Variants in AP2S1 observed in about 807,000 individuals in gnomAD.
AP2S1 encodes AP-2 complex subunit sigma.
A neutral mutation model predicts 21.0 loss-of-function variants in AP2S1; 6 were observed. The ratio of observed to expected loss-of-function variants is 0.29; its 90% CI spans 0.16 to 0.56. The LOEUF (loss-of-function observed/expected upper bound fraction) is 0.56. Ranked by LOEUF, AP2S1 falls within the 20% of genes least tolerant of loss-of-function variation. AP2S1 has a pLI of 0.92. For synonymous variants in AP2S1, 63 were observed against 74.6 expected, an observed-to-expected ratio of 0.84 and a Z score of 0.80; for missense variants, 60 against 186.2, an observed-to-expected ratio of 0.32 and a Z score of 3.95.
rs866196824 is a variant in AP2S1, at chr19:46,846,854, C to T, written c.4-712G>A. ...AAAATGTTTGTATTTTTGGTAGAGA[C>T]GGGGTTTCACCATGTTGGCCAGGCT... On this transcript the variant is annotated intron_variant, in intron 1 of 4. Transcript: ENST00000263270. 6.2e-4 allele frequency among the ~76,000 whole-genome samples: 95 copies of T among 152,118 alleles called. 1 individual carries two copies. In the Middle Eastern group the frequency reaches 0.02, roughly 33 times the overall value.
At chr19:46,840,151 C>T (rs1160519753) in intron 2 of AP2S1, among the ~76,000 whole-genome samples, 1 of 151,870 alleles carries the variant, frequency 6.6e-6, no homozygotes, top group Non-Finnish European at 1.5e-5. Flanking sequence ...CCTTGTCCTG[C>T]CCTCACTGAA....
intron 2 of AP2S1, among the ~76,000 whole-genome samples, chr19:46,841,909 C>T (rs987702994): frequency 2.0e-5 from 3 of 152,176 alleles, no homozygotes; most frequent in South Asian, 2.1e-4. Flanking sequence ...GATTGGACGA[C>T]GGCCAGGTGC....
chr19:46,844,807 A>T lies in AP2S1; in HGVS notation c.153+1186T>A, dbSNP rs182741275. 6.1e-3 allele frequency among the ~76,000 whole-genome samples: 916 copies of T among 150,912 alleles called. 5 individuals carry two copies. Among genetic ancestry groups the T allele is most frequent in the South Asian group, 0.021 (98 of 4,764 alleles). On this transcript the variant is annotated intron_variant, in intron 2 of 4. Coordinates refer to ENST00000263270, the MANE Select transcript of AP2S1 (RefSeq NM_004069.6). ...AGAATGAGCTCCTGTTTCAAAAAAAATTTTTTAAAGAGGGACAGGCATGGT... is the reference window on the plus strand; with the variant it reads ...AGAATGAGCTCCTGTTTCAAAAAAATTTTTTTAAAGAGGGACAGGCATGGT...
intron 2 of AP2S1, among the ~76,000 whole-genome samples, chr19:46,843,704 CAG>C (rs1431742682): frequency 1.3e-5 from 2 of 151,624 alleles, no homozygotes; most frequent in East Asian, 3.9e-4. Flanking sequence ...GCCTAGGTAA[CAG>C]AGTGAGAACC....
intron 1 of AP2S1, among the ~76,000 whole-genome samples, chr19:46,847,903 G>A (rs549369550): frequency 5.9e-5 from 9 of 152,260 alleles, no homozygotes; most frequent in Admixed American, 1.3e-4. Context: ...ATGAGTTTTC[G>A]TGTGGATGGA....
chr19:46,840,981 T>G (rs1210534717), intron 2 of AP2S1, among the ~76,000 whole-genome samples: 1 of 151,932 alleles, frequency 6.6e-6, no homozygotes, highest in Non-Finnish European at 1.5e-5. Context: ...TTTGAGACAG[T>G]CTCACTCTGT....
At chr19:46,841,692 TG>T (rs1286176416) in intron 2 of AP2S1, among the ~76,000 whole-genome samples, 1 of 152,238 alleles carries the variant, frequency 6.6e-6, no homozygotes, top group Non-Finnish European at 1.5e-5. Context: ...GCACAGGTAA[TG>T]GCCCCCAAAG....
chr19:46,849,262 T>C (rs943536167), intron 1 of AP2S1, among the ~76,000 whole-genome samples: 7 of 151,954 alleles, frequency 4.6e-5, no homozygotes, highest in African/African-American at 1.4e-4. Context: ...TGCCTCAGCC[T>C]CCCAAAGTGC....
intron 2 of AP2S1, among the ~76,000 whole-genome samples, chr19:46,841,421 G>C (rs371342257): frequency 3.9e-5 from 6 of 152,020 alleles, no homozygotes; most frequent in African/African-American, 1.2e-4. Context: ...TTTAAATTTC[G>C]AGGCTTCTCA....
chr19:46,841,294 G>A (rs767502058), intron 2 of AP2S1, among the ~76,000 whole-genome samples: 10 of 152,236 alleles, frequency 6.6e-5, no homozygotes, highest in Admixed American at 2.6e-4. Flanking sequence ...TGTAATCCAC[G>A]GGTAAATGAG....
chr19:46,841,066 G>C (rs1280612708), intron 2 of AP2S1, among the ~76,000 whole-genome samples: 1 of 151,996 alleles, frequency 6.6e-6, no homozygotes, highest in Admixed American at 6.6e-5. Context: ...CAATTCTCCT[G>C]CCTCAGCCTC....
chr19:46,850,629 T>A, intron 1 of AP2S1, 135 bp downstream of exon 1: 1 of 869,330 alleles, frequency 1.2e-6, no homozygotes, highest in Non-Finnish European at 1.8e-6. Context: ...CCTGGATCGG[T>A]CCCAATCCCC....
chr19:46,839,873 C>T (rs1463865627), intron 2 of AP2S1, among the ~76,000 whole-genome samples: 3 of 152,042 alleles, frequency 2.0e-5, no homozygotes, highest in African/African-American at 4.8e-5. Flanking sequence ...GGTATCGGAG[C>T]TGAGAGCTGG....
Position 46,838,680 on chromosome 19 carries a change from A to C in AP2S1, c.327+60T>G. The stretch of plus-strand genomic sequence containing the variant: ...AGAGGCTCCGGGTGGCTAGTGCACC[A>C]CGGGTCCCCCCCGTCCCCCTCCTCT... On this transcript the variant is annotated intron_variant, in intron 4 of 4. Transcript: ENST00000263270. This position sits in a 1 kb window ranked among gnomAD's most constrained non-coding sequence, Gnocchi z 4.1. The C allele has an allele frequency of 6.3e-7, 1 of 1,595,156 alleles. No homozygotes were observed. Among genetic ancestry groups the C allele is most frequent in the South Asian group, 1.1e-5 (1 of 90,374 alleles).
At chr19:46,846,934 G>A (rs895358326) in intron 1 of AP2S1, among the ~76,000 whole-genome samples, 3 of 152,128 alleles carry the variant, frequency 2.0e-5, no homozygotes, top group Admixed American at 6.5e-5. Flanking sequence ...CCAAAGTGTG[G>A]GGTTATAGGC....
chr19:46,844,510 C>T (rs1169527144), intron 2 of AP2S1, among the ~76,000 whole-genome samples: 1 of 152,168 alleles, frequency 6.6e-6, no homozygotes, highest in African/African-American at 2.4e-5. Context: ...TTTAAACCTG[C>T]ATCCTGGCTG....
At chr19:46,842,931 A>T (rs1408183198) in intron 2 of AP2S1, among the ~76,000 whole-genome samples, 1 of 151,812 alleles carries the variant, frequency 6.6e-6, no homozygotes, top group African/African-American at 2.4e-5. Flanking sequence ...GTTTCCCTCT[A>T]TGTGCAGAAA....
intron 2 of AP2S1, among the ~76,000 whole-genome samples, chr19:46,842,871 G>A (rs1255921179): frequency 6.6e-6 from 1 of 152,056 alleles, no homozygotes. Context: ...GTGGCCCTCT[G>A]GTGCTCTCCT....
At chr19:46,848,147 T>A (rs2055669705) in intron 1 of AP2S1, among the ~76,000 whole-genome samples, 1 of 152,066 alleles carries the variant, frequency 6.6e-6, no homozygotes, top group Admixed American at 6.6e-5. Flanking sequence ...GGCGGGCAGA[T>A]CACTTGAGGT....
Sources: gnomAD v4.1 joint callset for allele counts (sites outside exome capture counted in the v4.1 genomes callset) on GRCh38, gnomAD v4.1.1 for gene constraint, Gnocchi (gnomAD v3.1) non-coding constraint, MANE v1.5 for transcripts, NCBI Gene and HGNC (gene_info 2026-07-23, HGNC 2026-07-21) for gene names.